NCOA1: variants seen among roughly 807,000 people sequenced by gnomAD.
The protein encoded by NCOA1 is Hin-2 protein.
A neutral mutation model predicts 150.9 loss-of-function variants in NCOA1; 35 were observed. That is an observed-to-expected ratio of 0.23 (90% CI 0.18 to 0.31). NCOA1 has a LOEUF of 0.31. Among genes scored for constraint, NCOA1 ranks in the 10% least tolerant of loss-of-function variants. The pLI, the probability that NCOA1 is intolerant of heterozygous loss-of-function variation, is 1.00. For synonymous variants in NCOA1, 590 were observed against 630.0 expected, an observed-to-expected ratio of 0.94 and a Z score of 0.95; for missense variants, 1,491 against 1,749.3, an observed-to-expected ratio of 0.85 and a Z score of 2.63.
chr2:24,748,636 T>A (rs1195219285), intron 19 of NCOA1, among the ~76,000 whole-genome samples: 21 of 75,458 alleles, frequency 2.8e-4, no homozygotes, highest in African/African-American at 6.8e-4. Context: ...AAAAAAAAAA[T>A]GTAACCTATA....
chr2:24,559,235 G>T (rs773447266), intron 1 of NCOA1, among the ~76,000 whole-genome samples: 8 of 152,174 alleles, frequency 5.3e-5, no homozygotes, highest in Non-Finnish European at 1.0e-4. Flanking sequence ...GGTTGTTTGT[G>T]TTGGAGGCTG....
At chr2:24,542,548 A>G (rs1018046478) in intron 1 of NCOA1, among the ~76,000 whole-genome samples, 9 of 152,218 alleles carry the variant, frequency 5.9e-5, no homozygotes, top group African/African-American at 2.2e-4. Flanking sequence ...CTTTAGGTTA[A>G]ATAATACTGT....
At chr2:24,727,138 CAAAAAAAA>C (rs755486331) in intron 15 of NCOA1, among the ~76,000 whole-genome samples, 3 of 43,280 alleles carry the variant, frequency 6.9e-5, no homozygotes, top group South Asian at 7.1e-4. Context: ...AACTCTGTCT[CAAAAAAAA>C]AAAAAAAAAA....
chr2:24,538,504 A>G (rs116125122), intron 1 of NCOA1, among the ~76,000 whole-genome samples: 111 of 152,320 alleles, frequency 7.3e-4, no homozygotes, highest in South Asian at 2.5e-3. Flanking sequence ...GAGCAGGTCA[A>G]TTACTTGTTT....
At chr2:24,528,149 C>G (rs761504380) in intron 1 of NCOA1, among the ~76,000 whole-genome samples, 1 of 152,050 alleles carries the variant, frequency 6.6e-6, no homozygotes, top group Non-Finnish European at 1.5e-5. Flanking sequence ...GTTTTCTTTG[C>G]TGTGCAGGAG....
chr2:24,648,243 T>A (rs1446026932), intron 4 of NCOA1, among the ~76,000 whole-genome samples: 1 of 152,080 alleles, frequency 6.6e-6, no homozygotes, highest in African/African-American at 2.4e-5. Context: ...ATATCTTTTC[T>A]ATAAATGTGG....
intron 3 of NCOA1, among the ~76,000 whole-genome samples, chr2:24,600,011 G>A (rs1261026602): frequency 1.3e-5 from 2 of 151,716 alleles, no homozygotes; most frequent in South Asian, 2.1e-4. Flanking sequence ...GATTGCAGGC[G>A]TGAGCCCAGC....
chr2:24,576,624 A>G (rs1430915043), intron 2 of NCOA1, among the ~76,000 whole-genome samples: 3 of 152,306 alleles, frequency 2.0e-5, no homozygotes, highest in Non-Finnish European at 2.9e-5. Context: ...CTGTTACTCC[A>G]TCATGGCTAT....
chr2:24,635,769 T>C (rs1409474805), intron 3 of NCOA1, among the ~76,000 whole-genome samples: 1 of 152,226 alleles, frequency 6.6e-6, no homozygotes, highest in African/African-American at 2.4e-5. Context: ...AACAATGGGC[T>C]AATCTAACTA....
At chr2:24,639,565 C>A (rs1200057411) in intron 3 of NCOA1, among the ~76,000 whole-genome samples, 2 of 151,716 alleles carry the variant, frequency 1.3e-5, no homozygotes, top group Non-Finnish European at 2.9e-5. Flanking sequence ...TTAGTTTATA[C>A]CTATGATTTT....
At chr2:24,535,586 A>T (rs1026591773) in intron 1 of NCOA1, among the ~76,000 whole-genome samples, 1 of 152,124 alleles carries the variant, frequency 6.6e-6, no homozygotes, top group African/African-American at 2.4e-5. Context: ...AGTGGCTGGT[A>T]CTGGTTGTTC....
chr2:24,669,499 T>G lies in NCOA1; in HGVS notation c.256+3584T>G, dbSNP rs926118327. Among the ~76,000 whole-genome samples, 6 of 152,342 alleles carry G rather than the reference T, an allele frequency of 3.9e-5. No individual in the cohort carries two copies. The East Asian group carries it at 1.2e-3, about 29-fold the overall frequency. On this transcript the variant is annotated intron_variant, in intron 6 of 22. Coordinates refer to ENST00000348332, the MANE Select transcript of NCOA1 (RefSeq NM_003743.5). ...AGCCATTCCTACCTTAGGTTTTCCC[T>G]AAAATGTTAGATATTTTGCACGTCA...
At chr2:24,763,348 G>A (rs1664877639) in intron 22 of NCOA1, among the ~76,000 whole-genome samples, 1 of 151,836 alleles carries the variant, frequency 6.6e-6, no homozygotes. Context: ...GACCATCCTG[G>A]CTAACATGGT....
intron 2 of NCOA1, among the ~76,000 whole-genome samples, chr2:24,569,994 T>C (rs1042897900): frequency 7.3e-5 from 11 of 150,250 alleles, no homozygotes; most frequent in African/African-American, 2.7e-4. Flanking sequence ...AGATTAGGAG[T>C]CCTTTTTTCA....
intron 8 of NCOA1, among the ~76,000 whole-genome samples, chr2:24,689,832 C>T (rs1160149458): frequency 6.6e-6 from 1 of 152,122 alleles, no homozygotes. Flanking sequence ...ATTCATTTTT[C>T]TTTTTTTCCT....
chr2:24,695,358 G>C (rs925183824), intron 10 of NCOA1, among the ~76,000 whole-genome samples: 1 of 152,082 alleles, frequency 6.6e-6, no homozygotes, highest in Non-Finnish European at 1.5e-5. Context: ...ATGGTGATTT[G>C]ATCAAAACCA....
chr2:24,632,059 C>T (rs1196123621), intron 3 of NCOA1, among the ~76,000 whole-genome samples: 1 of 151,840 alleles, frequency 6.6e-6, no homozygotes, highest in Non-Finnish European at 1.5e-5. Context: ...GTAGATTGAG[C>T]ACTTAGTATT....
intron 14 of NCOA1, among the ~76,000 whole-genome samples, chr2:24,715,861 G>A (rs369543892): frequency 6.6e-4 from 100 of 152,206 alleles, no homozygotes; most frequent in African/African-American, 2.4e-3. Context: ...CCCAGCAGGC[G>A]GCCGGGCGCA....
intron 3 of NCOA1, among the ~76,000 whole-genome samples, chr2:24,637,773 G>A (rs1274827705): frequency 6.6e-6 from 1 of 152,008 alleles, no homozygotes; most frequent in Non-Finnish European, 1.5e-5. Context: ...TCGGCTCACC[G>A]CAACCTCCGC....
Sources: allele counts gnomAD v4.1 joint callset (sites outside exome capture counted in the v4.1 genomes callset), GRCh38; gene constraint gnomAD v4.1.1; transcripts MANE v1.5; gene names NCBI Gene and HGNC (gene_info 2026-07-23, HGNC 2026-07-21).